The following ATP8A2 variants were observed in gnomAD, a reference collection of about 807,000 sequenced individuals.
ATP8A2 encodes the protein ATPase phospholipid transporting 8A2.
ATP8A2 carries 100 observed loss-of-function variants against 165.6 expected under a neutral mutation model. That is an observed-to-expected ratio of 0.60 (90% CI 0.51 to 0.71). The LOEUF is 0.71. Among genes scored for constraint, ATP8A2 ranks in the 30% least tolerant of loss-of-function variants. The pLI, the probability that ATP8A2 is intolerant of heterozygous loss-of-function variation, is 0.00. For synonymous variants in ATP8A2, 543 were observed against 548.8 expected (o/e 0.99, Z 0.15); for missense variants, 1,227 against 1,479.5 (o/e 0.83, Z 2.80).
At chr13:25,560,700 C>CAAAA (rs748751011) in intron 15 of ATP8A2, among the ~76,000 whole-genome samples, 2 of 63,288 alleles carry the variant, frequency 3.2e-5, no homozygotes, top group African/African-American at 6.0e-5. Flanking sequence ...ACTCTTGTCT[C>CAAAA]AAAAAAAAAA....
chr13:25,434,003 C>G (rs2034684842), intron 1 of ATP8A2, among the ~76,000 whole-genome samples: 1 of 152,166 alleles, frequency 6.6e-6, no homozygotes, highest in Non-Finnish European at 1.5e-5. Context: ...TGAGAGATTA[C>G]CTGTCAAGTA....
At chr13:25,989,325 A>C (rs1956336933) in intron 35 of ATP8A2, among the ~76,000 whole-genome samples, 1 of 152,222 alleles carries the variant, frequency 6.6e-6, no homozygotes, top group South Asian at 2.1e-4. Context: ...GAGCCCAGAA[A>C]GTTTGCAGTT....
chr13:25,530,275 G>C (rs999919653), intron 3 of ATP8A2, among the ~76,000 whole-genome samples, 177 bp downstream of exon 3: 3 of 152,164 alleles, frequency 2.0e-5, no homozygotes, highest in African/African-American at 7.2e-5. Context: ...GATTTCTTTT[G>C]GTATGGCCTT....
At chr13:25,858,922 A>T (rs867372955) in intron 30 of ATP8A2, among the ~76,000 whole-genome samples, 1 of 152,072 alleles carries the variant, frequency 6.6e-6, no homozygotes, top group East Asian at 1.9e-4. Flanking sequence ...ACCCATTGGG[A>T]TGCCAGGCAC....
intron 30 of ATP8A2, among the ~76,000 whole-genome samples, chr13:25,857,924 G>T (rs1157850655): frequency 6.6e-6 from 1 of 152,102 alleles, no homozygotes; most frequent in East Asian, 1.9e-4. Flanking sequence ...TCGTGTATCT[G>T]TTTAAGGTTT....
At chr13:25,731,506 CAA>C (rs1254662709) in intron 25 of ATP8A2, among the ~76,000 whole-genome samples, 1 of 149,052 alleles carries the variant, frequency 6.7e-6, no homozygotes, top group Non-Finnish European at 1.5e-5. Context: ...ATTCTCTTCC[CAA>C]ACACTTTTGG....
At position 25,543,401 on chromosome 13, in the gene ATP8A2, A is replaced by G; in HGVS notation, c.890A>G (p.Gln297Arg). The G allele has an allele frequency of 1.3e-6, 2 of 1,576,446 alleles. No homozygotes were observed. Among genetic ancestry groups the G allele is most frequent in the Non-Finnish European group, 1.7e-6 (2 of 1,147,870 alleles). Residue 297 changes from glutamine to arginine, a missense_variant and splice_region_variant, in exon 10 of 37, where the codon CAG (glutamine) becomes CGG (arginine). By Grantham distance (43) the Gln-to-Arg change is conservative. Coordinates refer to ENST00000381655, the MANE Select transcript of ATP8A2 (RefSeq NM_016529.6). The stretch of plus-strand genomic sequence containing the variant: ...ACTGGACACGACACCAAACTCATGC[A>G]GGTAAAACATTTCTATGCTGATTTC... ...VYTGHDTKLMQNSTKAPLKRS... is the reference protein window; with the variant it reads ...VYTGHDTKLMRNSTKAPLKRS...
chr13:25,785,031 G>T (rs189891761), intron 27 of ATP8A2, among the ~76,000 whole-genome samples: 11 of 151,628 alleles, frequency 7.3e-5, no homozygotes, highest in Admixed American at 1.3e-4. Context: ...CCAAAGTGCC[G>T]GGATTACAGG....
intron 27 of ATP8A2, among the ~76,000 whole-genome samples, chr13:25,794,999 C>G (rs7982510): frequency 6.6e-6 from 1 of 152,056 alleles, no homozygotes; most frequent in African/African-American, 2.4e-5. Context: ...CGAGAGTGAT[C>G]CAGCCATCCA....
At chr13:25,548,382 T>G (rs1566251623) in intron 10 of ATP8A2, among the ~76,000 whole-genome samples, 2 of 152,210 alleles carry the variant, frequency 1.3e-5, no homozygotes, top group Non-Finnish European at 2.9e-5. Flanking sequence ...TTCTGTTAGA[T>G]GAAAGATAAA....
At chr13:25,703,573 A>G (rs923195238) in intron 25 of ATP8A2, among the ~76,000 whole-genome samples, 2 of 152,160 alleles carry the variant, frequency 1.3e-5, no homozygotes, top group Admixed American at 6.5e-5. Flanking sequence ...AACAACCCAC[A>G]TATGAATCCA....
At chr13:25,702,874 G>C (rs1195064318) in intron 25 of ATP8A2, among the ~76,000 whole-genome samples, 1 of 152,070 alleles carries the variant, frequency 6.6e-6, no homozygotes, top group Non-Finnish European at 1.5e-5. Context: ...TTCTCCTTAA[G>C]TTATCTGTCT....
At chr13:26,005,753 C>T (rs1396171629) in intron 35 of ATP8A2, among the ~76,000 whole-genome samples, 2 of 151,864 alleles carry the variant, frequency 1.3e-5, no homozygotes, top group Admixed American at 6.6e-5. Flanking sequence ...GTCCCAGCAC[C>T]ATTTGCTGGA....
rs199533958 is a variant in ATP8A2, at chr13:25,731,147, A to G, written c.2384+31802A>G. ...AGAAAAGAGAGAGAGAGAGAGAAAT[A>G]AAAGAAAGAAAGAGAAAGAAGGAAG... On this transcript the variant is annotated intron_variant, in intron 25 of 36. Coordinates refer to ENST00000381655, the MANE Select transcript of ATP8A2 (RefSeq NM_016529.6). 1.5e-3 allele frequency among the ~76,000 whole-genome samples: 184 copies of G among 123,420 alleles called. 3 individuals are homozygous for G. Among genetic ancestry groups the G allele is most frequent in the African/African-American group, 5.6e-3 (176 of 31,470 alleles). The allele number at this position is 123,420 out of a possible 152,430, so 81.0% of individuals were successfully genotyped here. A position where few individuals can be genotyped will look rare whatever the true frequency, so the allele number is the denominator to read the frequency against.
intron 2 of ATP8A2, among the ~76,000 whole-genome samples, chr13:25,483,516 C>G (rs1015103855): frequency 5.3e-5 from 8 of 152,292 alleles, no homozygotes; most frequent in African/African-American, 1.4e-4. Context: ...TTTGACAGAT[C>G]TTTCCCTACC....
chr13:25,776,474 A>G (rs1457355897), intron 27 of ATP8A2, among the ~76,000 whole-genome samples: 3 of 152,272 alleles, frequency 2.0e-5, no homozygotes, highest in South Asian at 2.1e-4. Flanking sequence ...AATTTAAAAA[A>G]TTATTCACAA....
intron 24 of ATP8A2, among the ~76,000 whole-genome samples, chr13:25,651,420 C>T (rs1040511851): frequency 7.9e-5 from 12 of 151,050 alleles, no homozygotes; most frequent in African/African-American, 1.7e-4. Context: ...TCCAGCCTGG[C>T]GGCAGAGTGA....
intron 18 of ATP8A2, among the ~76,000 whole-genome samples, chr13:25,574,010 C>T (rs865786721): frequency 2.0e-5 from 3 of 152,190 alleles, no homozygotes; most frequent in Non-Finnish European, 4.4e-5. Context: ...AAGTCACACA[C>T]TTAGAGGCAG....
intron 33 of ATP8A2, among the ~76,000 whole-genome samples, chr13:25,907,145 A>G (rs750640775): frequency 6.6e-6 from 1 of 152,084 alleles, no homozygotes; most frequent in Non-Finnish European, 1.5e-5. Context: ...CAGGAGAATC[A>G]CTTGAACCTG....
Sources: allele counts gnomAD v4.1 joint callset (sites outside exome capture counted in the v4.1 genomes callset), GRCh38; gene constraint gnomAD v4.1.1; transcripts MANE v1.5; gene names NCBI Gene and HGNC (gene_info 2026-07-23, HGNC 2026-07-21).